The following ZNF609 variants were observed in gnomAD, a reference collection of about 807,000 sequenced individuals.
The protein encoded by ZNF609 is zinc finger protein 609.
A neutral mutation model predicts 109.5 loss-of-function variants in ZNF609; 11 were observed. That is an observed-to-expected ratio of 0.10 (90% CI 0.06 to 0.17). The LOEUF is 0.17. Ranked by LOEUF, ZNF609 falls within the 10% of genes least tolerant of loss-of-function variation. The pLI, the probability that ZNF609 is intolerant of heterozygous loss-of-function variation, is 1.00. For synonymous variants in ZNF609, 646 were observed against 662.0 expected (o/e 0.98, Z 0.37); for missense variants, 1,559 against 1,772.4 (o/e 0.88, Z 2.16).
intron 3 of ZNF609, among the ~76,000 whole-genome samples, chr15:64,641,624 A>G (rs8026708): frequency 0.055 from 8,294 of 152,160 alleles, 763 homozygotes; most frequent in African/African-American, 0.19. Flanking sequence ...ATTTGAAGAC[A>G]TCATTTTCTT....
At chr15:64,576,620 C>T (rs997035009) in intron 2 of ZNF609, among the ~76,000 whole-genome samples, 1 of 151,568 alleles carries the variant, frequency 6.6e-6, no homozygotes, top group African/African-American at 2.4e-5. Context: ...ATTCAATAAA[C>T]AAGAAAGGTT....
intron 2 of ZNF609, among the ~76,000 whole-genome samples, chr15:64,582,749 C>CTT (rs34273764): frequency 0.78 from 43,434 of 55,736 alleles, 19,347 homozygotes; most frequent in East Asian, 0.88. Context: ...GAGACAGAGT[C>CTT]TTTTTTTTTT....
At chr15:64,480,828 G>A (rs1481234112) in intron 1 of ZNF609, among the ~76,000 whole-genome samples, 1 of 152,196 alleles carries the variant, frequency 6.6e-6, no homozygotes, top group African/African-American at 2.4e-5. Flanking sequence ...TGGAGAAGCT[G>A]CAAAATTAGG....
At chr15:64,668,681 C>T (rs552305618) in intron 3 of ZNF609, among the ~76,000 whole-genome samples, 8 of 152,038 alleles carry the variant, frequency 5.3e-5, no homozygotes, top group African/African-American at 1.4e-4. Context: ...CAGCCAGGTG[C>T]GGTGGCTCAT....
chr15:64,523,286 T>C (rs1469283623), intron 2 of ZNF609, among the ~76,000 whole-genome samples: 1 of 152,202 alleles, frequency 6.6e-6, no homozygotes, highest in Non-Finnish European at 1.5e-5. Context: ...TCATGTAATA[T>C]GGACTCCCTT....
At chr15:64,625,442 C>T (rs534590429) in intron 3 of ZNF609, among the ~76,000 whole-genome samples, 1 of 152,138 alleles carries the variant, frequency 6.6e-6, no homozygotes, top group South Asian at 2.1e-4. Flanking sequence ...ATCACTTGAA[C>T]CCCGGAGGTG....
In ZNF609 at chr15:64,470,962, G is replaced by A. The variant is rs76452744; in HGVS notation, c.-128+10124G>A. Among the ~76,000 whole-genome samples, 1,371 of 152,330 alleles carry A rather than the reference G, an allele frequency of 9.0e-3. 21 individuals are homozygous for A. The highest frequency in any genetic ancestry group is 0.032 in the African/African-American group (1,316 of 41,574). ...ATTAATACTTATTGAATAGTAAGAG[G>A]ATGCTGGTCTTTTAGTCTTCTGTTG... is the stretch of plus-strand genomic sequence containing the variant. On this transcript the variant is annotated intron_variant, in intron 1 of 9. Transcript: ENST00000326648.
chr15:64,571,687 TCTC>T (rs1370204412), intron 2 of ZNF609, among the ~76,000 whole-genome samples: 1 of 152,014 alleles, frequency 6.6e-6, no homozygotes, highest in East Asian at 1.9e-4. Flanking sequence ...TTTCAGTCAG[TCTC>T]ACTCTGTCAC....
At chr15:64,588,914 G>C (rs1331427842) in intron 2 of ZNF609, among the ~76,000 whole-genome samples, 5 of 151,916 alleles carry the variant, frequency 3.3e-5, no homozygotes, top group Admixed American at 6.6e-5. Context: ...AAAGTGGTGG[G>C]ATTATAGGCA....
At chr15:64,621,515 A>G (rs545054948) in intron 2 of ZNF609, among the ~76,000 whole-genome samples, 85 of 151,892 alleles carry the variant, frequency 5.6e-4, no homozygotes, top group Non-Finnish European at 1.1e-3. Context: ...ACACACAGAT[A>G]CCTTTTTTAT....
intron 2 of ZNF609, among the ~76,000 whole-genome samples, chr15:64,553,926 T>C (rs1212011896): frequency 6.6e-6 from 1 of 152,226 alleles, no homozygotes; most frequent in Non-Finnish European, 1.5e-5. Context: ...AAAGTGATCT[T>C]ATACGCTGCA....
rs1017599975 is a variant in ZNF609 at position 64,515,207 on chromosome 15, G to A, written c.747+15041G>A. 3.3e-5 allele frequency among the ~76,000 whole-genome samples: 5 copies of A among 152,292 alleles called. No homozygotes were observed. In the South Asian group the frequency reaches 6.2e-4, roughly 19 times the overall value. ...ACTGTACTACCTTTGACAGTGAGGT[G>A]TTTTACCCATAGTTCAAAATTGCTG... On this transcript the variant is annotated intron_variant, in intron 2 of 9. Transcript: ENST00000326648.
rs141379362 is a variant in ZNF609, at chr15:64,516,315, C to T, written c.747+16149C>T. 1.6e-3 allele frequency among the ~76,000 whole-genome samples: 247 copies of T among 152,202 alleles called. 2 individuals are homozygous for T. The highest frequency in any genetic ancestry group is 5.2e-3 in the African/African-American group (218 of 41,544). ...TTAAAATTTATTTGTATTTGTTTTTCGTTTATTCAGTCTTGCTGAGTTAAG... is the reference window on the plus strand; with the variant it reads ...TTAAAATTTATTTGTATTTGTTTTTTGTTTATTCAGTCTTGCTGAGTTAAG... On this transcript the variant is annotated intron_variant, in intron 2 of 9. Transcript: ENST00000326648.
rs148225428 is a variant in ZNF609 at position 64,607,693 on chromosome 15, C to T, written c.748-15134C>T. Among the ~76,000 whole-genome samples the T allele has an allele frequency of 9.7e-3, 1,469 of 151,220 alleles. 15 individuals carry two copies. Among genetic ancestry groups the T allele is most frequent in the Middle Eastern group, 0.017 (5 of 294 alleles). On this transcript the variant is annotated intron_variant, in intron 2 of 9. Coordinates refer to ENST00000326648, the MANE Select transcript of ZNF609 (RefSeq NM_015042.2). ...CTAATTTTTGTATTTTTAGTACTGA[C>T]GGGGTCTCACCATGTTGGCCAGGCT...
At chr15:64,488,920 AAGAAAGAAAG>A (rs1893370349) in intron 1 of ZNF609, among the ~76,000 whole-genome samples, 5 of 15,414 alleles carry the variant, frequency 3.2e-4, no homozygotes, top group Admixed American at 5.6e-3. Flanking sequence ...AAAAAAAAGA[AAGAAAGAAAG>A]AAAGAAAGAA....
chr15:64,674,620 G>C lies in ZNF609; in HGVS notation c.1766G>C (p.Cys589Ser). 3 of 1,614,128 alleles carry C rather than the reference G, an allele frequency of 1.9e-6. No individual in the cohort carries two copies. Among genetic ancestry groups the C allele is most frequent in the Non-Finnish European group, 2.5e-6 (3 of 1,180,032 alleles). ...AGCAAATTCAGCACAAAAGGCCTCT[G>C]TAAGAAAAAGTTGAGTGGGGAAGGG... ...PSSKFSTKGL[C>S]KKKLSGEGDT... is the part of the protein sequence containing the mutation. Residue 589 changes from cysteine (C) to serine (S), a missense_variant, in exon 5 of 10, where the codon TGT becomes TCT. By Grantham distance (112) the Cys-to-Ser change is moderately radical. Around this residue, in one of 4 missense-constraint regions of ZNF609, gnomAD observed 1,204 missense variants for 1,314.1 expected, o/e 0.92. Transcript: ENST00000326648.
rs1378689252 is a variant in ZNF609 at position 64,683,387 on chromosome 15, C to T, written c.*1701C>T. The T allele has an allele frequency of 2.6e-5, 4 of 152,664 alleles. No individual in the cohort carries two copies. Among genetic ancestry groups the T allele is most frequent in the African/African-American group, 9.7e-5 (4 of 41,446 alleles). 9.5% of individuals were successfully genotyped at this position (152,664 alleles called of 1,614,324 possible). ...TTTCCAAGGACCCTGGAACCCTACA[C>T]TTGAGAGGCTTAGGGTCACCATCTG... On this transcript the variant is annotated 3_prime_UTR_variant, in exon 10 of 10. Transcript: ENST00000326648.
chr15:64,553,694 G>A (rs1021125049), intron 2 of ZNF609, among the ~76,000 whole-genome samples: 4 of 151,870 alleles, frequency 2.6e-5, no homozygotes, highest in African/African-American at 9.7e-5. Flanking sequence ...CGCCTTCTGG[G>A]TTCACGCCAT....
Position 64,680,055 on chromosome 15 carries a change from CAA to C in ZNF609, c.3770-128_3770-127del, listed in dbSNP as rs979713027. 37 of 987,736 alleles carry C rather than the reference CAA, an allele frequency of 3.7e-5. No homozygotes were observed. The African/African-American group carries it at 4.9e-4, about 13-fold the overall frequency. The allele number at this position is 987,736 out of a possible 1,614,324, so 61.2% of individuals were successfully genotyped here. A position where few individuals can be genotyped will look rare whatever the true frequency, so the allele number is the denominator to read the frequency against. ...GAAAGGTCAAGCCAACAGTCTCAGC[CAA>C]AGACACTATGTTAGAAAATACCTCA... is the stretch of plus-strand genomic sequence containing the variant. On this transcript the variant is annotated intron_variant, in intron 6 of 9. Transcript: ENST00000326648.
Sources: gnomAD v4.1 joint callset for allele counts (sites outside exome capture counted in the v4.1 genomes callset) on GRCh38, gnomAD v4.1.1 for gene constraint, gnomAD v4.1.1 regional missense constraint, MANE v1.5 for transcripts, NCBI Gene and HGNC (gene_info 2026-07-23, HGNC 2026-07-21) for gene names.